CUL5: variants seen among roughly 807,000 people sequenced by gnomAD.
The protein encoded by CUL5 is cullin 5, also known as cullin-5.
In CUL5, 26 loss-of-function variants were observed where a neutral mutation model predicts 108.8. That is an observed-to-expected ratio of 0.24 (90% CI 0.18 to 0.33). The LOEUF (loss-of-function observed/expected upper bound fraction) is 0.33, where lower values mean the gene tolerates loss of function less well. Among genes scored for constraint, CUL5 ranks in the 10% least tolerant of loss-of-function variants. The pLI is 1.00. For synonymous variants in CUL5, 334 were observed against 298.0 expected (o/e 1.12, Z -1.25); for missense variants, 524 against 909.2 (o/e 0.58, Z 5.45).
At chr11:108,064,928 TCTA>T (rs1244488980) in intron 7 of CUL5, among the ~76,000 whole-genome samples, 2 of 152,030 alleles carry the variant, frequency 1.3e-5, no homozygotes, top group Non-Finnish European at 2.9e-5. Flanking sequence ...TGATATTAGT[TCTA>T]CTTGAAATAT....
At chr11:108,017,730 A>G (rs573865036) in intron 1 of CUL5, among the ~76,000 whole-genome samples, 1 of 152,190 alleles carries the variant, frequency 6.6e-6, no homozygotes, top group Non-Finnish European at 1.5e-5. Context: ...CATGCCTGTA[A>G]TCTCAGCTAC....
At chr11:108,059,727 CAA>C (rs1863487855) in intron 7 of CUL5, among the ~76,000 whole-genome samples, 1 of 151,468 alleles carries the variant, frequency 6.6e-6, no homozygotes, top group African/African-American at 2.4e-5. Context: ...AAAAAAAATA[CAA>C]AAAAATTAGT....
At chr11:108,017,565 C>G (rs539014562) in intron 1 of CUL5, among the ~76,000 whole-genome samples, 13 of 152,122 alleles carry the variant, frequency 8.5e-5, no homozygotes, top group African/African-American at 3.1e-4. Flanking sequence ...TAAGAATGTT[C>G]AAGGCCGGAT....
Position 108,094,849 on chromosome 11 carries a change from C to G in CUL5, c.1605C>G (p.Ala535=), listed in dbSNP as rs565123064. The G allele has an allele frequency of 5.0e-6, 8 of 1,608,238 alleles. No individual in the cohort carries two copies. The highest frequency in any genetic ancestry group is 1.7e-5 in the Admixed American group (1 of 59,028). Residue 535 remains alanine (A), a synonymous_variant, in exon 15 of 19, where the codon GCC becomes GCG. Transcript: ENST00000393094. ...SVNIKILNAG[A]WSRSSEKVFV... is the part of the protein sequence containing the mutation. Reference sequence around the variant, plus strand: ...ATATAAAAATTCTGAATGCTGGCGCCTGGTCAAGAAGTTCTGAGAAAGTCT... The same window carrying G: ...ATATAAAAATTCTGAATGCTGGCGCGTGGTCAAGAAGTTCTGAGAAAGTCT...
At chr11:108,030,676 A>G (rs1862558712) in intron 1 of CUL5, among the ~76,000 whole-genome samples, 2 of 152,202 alleles carry the variant, frequency 1.3e-5, no homozygotes, top group South Asian at 2.1e-4. Flanking sequence ...TGATAGAAGC[A>G]GGCATCTGGA....
At chr11:108,025,709 C>T (rs1199847025) in intron 1 of CUL5, among the ~76,000 whole-genome samples, 2 of 152,148 alleles carry the variant, frequency 1.3e-5, no homozygotes, top group East Asian at 3.8e-4. Flanking sequence ...ACAGTTTTCT[C>T]ACACCCAGGT....
intron 11 of CUL5, 145 bp from the exon 12 acceptor site, chr11:108,088,382 C>T: frequency 2.5e-6 from 2 of 806,162 alleles, no homozygotes; most frequent in Non-Finnish European, 1.9e-6. Flanking sequence ...AATTAGGCAC[C>T]CTAGGATGCT....
At chr11:108,028,470 C>T (rs1377897498) in intron 1 of CUL5, among the ~76,000 whole-genome samples, 2 of 152,196 alleles carry the variant, frequency 1.3e-5, no homozygotes, top group Non-Finnish European at 2.9e-5. Flanking sequence ...TAATCCTACA[C>T]CCAGTTTTAA....
intron 11 of CUL5, among the ~76,000 whole-genome samples, chr11:108,080,253 T>C (rs75841963): frequency 0.027 from 4,020 of 150,500 alleles, 188 homozygotes; most frequent in African/African-American, 0.09. Context: ...CACACCACCA[T>C]ACTTTACTAA....
intron 10 of CUL5, among the ~76,000 whole-genome samples, chr11:108,077,497 G>T (rs1013908621): frequency 1.3e-5 from 2 of 152,138 alleles, no homozygotes; most frequent in African/African-American, 4.8e-5. Context: ...AGGCACGGTG[G>T]TGCGCACCTG....
At chr11:108,050,726 A>G (rs1052579877) in intron 4 of CUL5, among the ~76,000 whole-genome samples, 2 of 152,162 alleles carry the variant, frequency 1.3e-5, no homozygotes, top group Non-Finnish European at 2.9e-5. Flanking sequence ...CCCTTTTATT[A>G]GGTTACCTTC....
rs139261037 is a variant in CUL5, at chr11:108,080,520, T to C, written c.1178+2280T>C. ...AAGTGATTCTCTTGCCTCAGCCTCC[T>C]GAGTAGCTGGGACTACAGGTGTGTG... On this transcript the variant is annotated intron_variant, in intron 11 of 18. Transcript: ENST00000393094. 3.3e-5 allele frequency among the ~76,000 whole-genome samples: 5 copies of C among 152,146 alleles called. No individual in the cohort carries two copies. In the South Asian group the frequency reaches 1.0e-3, roughly 31 times the overall value.
chr11:108,097,443 T>C (rs1864529738), intron 16 of CUL5, among the ~76,000 whole-genome samples, 193 bp from the exon 17 acceptor site: 1 of 152,236 alleles, frequency 6.6e-6, no homozygotes, highest in Admixed American at 6.5e-5. Flanking sequence ...CATTTATTGC[T>C]TTCTCATAAC....
chr11:108,024,426 A>T (rs1008462181), intron 1 of CUL5, among the ~76,000 whole-genome samples: 3 of 152,014 alleles, frequency 2.0e-5, no homozygotes, highest in Non-Finnish European at 2.9e-5. Context: ...TTGTCTCAAA[A>T]AATAATAATA....
intron 7 of CUL5, among the ~76,000 whole-genome samples, chr11:108,068,735 A>G (rs1863752134): frequency 6.6e-6 from 1 of 152,178 alleles, no homozygotes; most frequent in Admixed American, 6.6e-5. Flanking sequence ...AGAAGTAAAT[A>G]ATTACATGAC....
intron 7 of CUL5, among the ~76,000 whole-genome samples, chr11:108,062,348 A>G (rs932191833): frequency 6.6e-6 from 1 of 152,060 alleles, no homozygotes; most frequent in Non-Finnish European, 1.5e-5. Context: ...TACACAATAA[A>G]TACCAAACTG....
At chr11:108,044,197 CTT>C (rs1863007583) in intron 2 of CUL5, among the ~76,000 whole-genome samples, 1 of 152,092 alleles carries the variant, frequency 6.6e-6, no homozygotes, top group South Asian at 2.1e-4. Context: ...GGAGACAAAA[CTT>C]TGGGCTCTAC....
intron 1 of CUL5, among the ~76,000 whole-genome samples, chr11:108,018,359 AC>A (rs1862252072): frequency 6.6e-6 from 1 of 152,154 alleles, no homozygotes; most frequent in Non-Finnish European, 1.5e-5. Context: ...GATTCAACCA[AC>A]CAAAGATTAA....
intron 7 of CUL5, among the ~76,000 whole-genome samples, chr11:108,059,085 G>A (rs1177796813): frequency 3.3e-5 from 5 of 152,172 alleles, no homozygotes; most frequent in Non-Finnish European, 1.5e-5. Context: ...TGATCATAGT[G>A]CACTGCATTC....
Sources: allele counts gnomAD v4.1 joint callset (sites outside exome capture counted in the v4.1 genomes callset), GRCh38; gene constraint gnomAD v4.1.1; transcripts MANE v1.5; gene names NCBI Gene and HGNC (gene_info 2026-07-23, HGNC 2026-07-21).